The following AQR variants were observed in gnomAD, a reference collection of about 807,000 sequenced individuals.
The protein encoded by AQR is RNA helicase aquarius.
In AQR, 61 loss-of-function variants were observed where a neutral mutation model predicts 180.5. That is an observed-to-expected ratio of 0.34 (90% confidence interval 0.28 to 0.42). AQR has a LOEUF of 0.42. Among genes scored for constraint, AQR ranks in the 10% least tolerant of loss-of-function variants. The pLI, the probability that AQR is intolerant of heterozygous loss-of-function variation, is 1.00. For synonymous variants in AQR, 551 were observed against 588.8 expected, an observed-to-expected ratio of 0.94 and a Z score of 0.93; for missense variants, 1,281 against 1,798.3, an observed-to-expected ratio of 0.71 and a Z score of 5.20.
intron 3 of AQR, among the ~76,000 whole-genome samples, chr15:34,958,570 C>T (rs4513050): frequency 0.73 from 110,373 of 152,112 alleles, 41,693 homozygotes; most frequent in Middle Eastern, 0.85. Context: ...ATATAAAAAG[C>T]AGCCAAATGT....
chr15:34,958,424 G>A (rs1187242911), intron 3 of AQR, among the ~76,000 whole-genome samples: 1 of 152,106 alleles, frequency 6.6e-6, no homozygotes, highest in Non-Finnish European at 1.5e-5. Flanking sequence ...GCTAAGGTTG[G>A]GGGATCACTT....
Position 34,906,619 on chromosome 15 carries a change from T to C in AQR, c.1757A>G (p.Gln586Arg), listed in dbSNP as rs1893422448. ...KFDRRRPFIE[Q>R]VGLVYVRGCE... is the part of the protein sequence containing the mutation. ...GCCTCTGACATAAACCAGGCCAACC[T>C]GCTCAATAAAAGGTCTCCTCCGGTC... is the stretch of plus-strand genomic sequence containing the variant. Residue 586 changes from glutamine (Q) to arginine (R), a missense_variant, in exon 18 of 35, where the codon CAG (glutamine) becomes CGG (arginine). Coordinates refer to ENST00000156471, the MANE Select transcript of AQR (RefSeq NM_014691.3). 1 of 1,614,116 alleles carries C rather than the reference T, an allele frequency of 6.2e-7. No individual in the cohort carries two copies.
chr15:34,931,464 G>A (rs114696651), intron 11 of AQR, among the ~76,000 whole-genome samples: 3 of 152,122 alleles, frequency 2.0e-5, no homozygotes, highest in African/African-American at 7.2e-5. Flanking sequence ...TACCAAAATT[G>A]TATCTCTAAC....
intron 19 of AQR, among the ~76,000 whole-genome samples, chr15:34,902,091 T>C (rs1448549778): frequency 6.6e-6 from 1 of 152,024 alleles, no homozygotes; most frequent in Admixed American, 6.6e-5. Flanking sequence ...TTAGGAAAGG[T>C]TTCATGGAGG....
At chr15:34,902,708 G>T (rs1893350249) in intron 19 of AQR, among the ~76,000 whole-genome samples, 1 of 152,142 alleles carries the variant, frequency 6.6e-6, no homozygotes, top group East Asian at 1.9e-4. Context: ...TTAGTTTTCA[G>T]TGAAGTAACT....
intron 9 of AQR, among the ~76,000 whole-genome samples, chr15:34,936,630 C>T (rs1893949065): frequency 6.6e-6 from 1 of 151,764 alleles, no homozygotes. Flanking sequence ...GCAGGAGAAT[C>T]ACTTGGACCC....
intron 4 of AQR, among the ~76,000 whole-genome samples, chr15:34,949,886 G>A (rs12595318): frequency 0.75 from 109,877 of 146,836 alleles, 42,117 homozygotes; most frequent in Middle Eastern, 0.85. Flanking sequence ...GGATCACTTG[G>A]GCCTAGGGGG....
chr15:34,921,189 G>A (rs995339392), intron 13 of AQR, among the ~76,000 whole-genome samples: 4 of 152,054 alleles, frequency 2.6e-5, no homozygotes, highest in Non-Finnish European at 5.9e-5. Flanking sequence ...TGTAATCCCA[G>A]TACTTTGAGG....
At chr15:34,936,896 C>T (rs996319105) in intron 9 of AQR, among the ~76,000 whole-genome samples, 2 of 152,040 alleles carry the variant, frequency 1.3e-5, no homozygotes, top group African/African-American at 2.4e-5. Context: ...GTTCTATAGA[C>T]GTTAGTAGCT....
In AQR at chr15:34,904,520, A is replaced by G; in HGVS notation, c.1832-15T>C. On this transcript the variant is annotated splice_polypyrimidine_tract_variant and intron_variant, in intron 18 of 34. Transcript: ENST00000156471. The stretch of plus-strand genomic sequence containing the variant: ...GGGTTCAGGTCCTGGACAATTTGAA[A>G]AAGTTTGTTAAATAAAATATGTATT... 6.3e-7 allele frequency: 1 copy of G among 1,580,932 alleles called. No individual in the cohort carries two copies. The highest frequency in any genetic ancestry group is 8.6e-7 in the Non-Finnish European group (1 of 1,168,204).
rs1336666541 is a variant in AQR, at chr15:34,854,093, C to T, written c.*2699G>A. Reference sequence around the variant, plus strand: ...TGTTTAAATCTTCTCATTCATTTGCCTAAATCAATAGAGCTATTTATCCTC... The same window carrying T: ...TGTTTAAATCTTCTCATTCATTTGCTTAAATCAATAGAGCTATTTATCCTC... On this transcript the variant is annotated 3_prime_UTR_variant, in exon 35 of 35. Coordinates refer to ENST00000156471, the MANE Select transcript of AQR (RefSeq NM_014691.3). 3 of 149,002 alleles carry T rather than the reference C, an allele frequency of 2.0e-5. No individual in the cohort carries two copies. In the East Asian group the frequency reaches 5.9e-4, roughly 29 times the overall value. 9.2% of individuals were successfully genotyped at this position (149,002 alleles called of 1,614,324 possible). A position where few individuals can be genotyped will look rare whatever the true frequency, so the allele number is the denominator to read the frequency against.
intron 31 of AQR, chr15:34,868,803 TGA>T (rs1892774957): frequency 6.6e-6 from 1 of 152,224 alleles, no homozygotes; most frequent in South Asian, 2.1e-4. Flanking sequence ...AGCATGTTTC[TGA>T]GATATATTCA....
chr15:34,946,523 G>A (rs1894121048), intron 5 of AQR, among the ~76,000 whole-genome samples: 1 of 144,686 alleles, frequency 6.9e-6, no homozygotes, highest in African/African-American at 2.6e-5. Flanking sequence ...CCGTCCGGGA[G>A]GGAGGTGAGG....
intron 24 of AQR, among the ~76,000 whole-genome samples, chr15:34,888,358 C>A (rs1893093461): frequency 6.6e-6 from 1 of 151,490 alleles, no homozygotes; most frequent in Non-Finnish European, 1.5e-5. Flanking sequence ...CTACTATCTG[C>A]TCAATTAGTA....
chr15:34,896,174 CAATCTCTGTT>C, intron 22 of AQR, among the ~76,000 whole-genome samples: 1 of 152,276 alleles, frequency 6.6e-6, no homozygotes, highest in East Asian at 1.9e-4. Context: ...GCAGGCTAAG[CAATCTCTGTT>C]GCAAGTACTG....
At chr15:34,958,992 G>GATATAGAT (rs1185470967) in intron 3 of AQR, among the ~76,000 whole-genome samples, 5 of 31,826 alleles carry the variant, frequency 1.6e-4, no homozygotes, top group Non-Finnish European at 4.8e-4. Flanking sequence ...TATAGATATA[G>GATATAGAT]ATATAGATAT....
chr15:34,922,759 C>T (rs765888414), intron 13 of AQR, among the ~76,000 whole-genome samples: 29 of 151,864 alleles, frequency 1.9e-4, no homozygotes, highest in Non-Finnish European at 3.5e-4. Flanking sequence ...CCTTCCACCT[C>T]AGCCTCCCAA....
intron 27 of AQR, 98 bp downstream of exon 27, chr15:34,882,404 A>G: frequency 8.0e-7 from 1 of 1,253,556 alleles, no homozygotes; most frequent in Non-Finnish European, 1.0e-6. Context: ...TTATAAAAGA[A>G]ACATTTTAAG....
At chr15:34,925,256 G>GA (rs1327241589) in intron 13 of AQR, among the ~76,000 whole-genome samples, 1 of 152,072 alleles carries the variant, frequency 6.6e-6, no homozygotes, top group Non-Finnish European at 1.5e-5. Flanking sequence ...GAAAAAAACA[G>GA]AAAAATGCTT....
Sources: gnomAD v4.1 joint callset for allele counts (sites outside exome capture counted in the v4.1 genomes callset) on GRCh38, gnomAD v4.1.1 for gene constraint, MANE v1.5 for transcripts, NCBI Gene and HGNC (gene_info 2026-07-23, HGNC 2026-07-21) for gene names.